The following ZNF672 variants were observed in gnomAD, a reference collection of about 807,000 sequenced individuals.
ZNF672 encodes zinc finger protein 672.
For synonymous variants in ZNF672, 358 were observed against 305.6 expected (o/e 1.17, Z -1.79); for missense variants, 733 against 701.1 (o/e 1.05, Z -0.51).
In ZNF672 at chr1:248,847,510, TCCG is replaced by T; in HGVS notation, c.239_241del (p.Arg80del). On this transcript the variant is annotated inframe_deletion, in exon 4 of 4. Transcript: ENST00000306562. ...ATCTGCAGTGAGTGCGGACAAAGCT[TCCG>T]CCACAGCGGCCGTCTTGACCTACAC... The T allele has an allele frequency of 6.3e-7, 1 of 1,598,142 alleles. No homozygotes were observed. The highest frequency in any genetic ancestry group is 8.5e-7 in the Non-Finnish European group (1 of 1,172,948).
Position 248,847,326 on chromosome 1 carries a change from G to A in ZNF672, c.52G>A (p.Glu18Lys), listed in dbSNP as rs759815307. ...AGCGGGGAAGCCTTACTCGTGCAGC[G>A]AATGTGGCAAGAGCTTCTGCTACAG... Reference protein sequence around the residue: ...VAAGKPYSCSECGKSFCYSSV... With the variant: ...VAAGKPYSCSKCGKSFCYSSV... The change falls in exon 4 of 4, where the codon GAA becomes AAA. Residue 18 changes from glutamate (E) to lysine (K), a missense_variant. By Grantham distance (56) the Glu-to-Lys change is moderately conservative (BLOSUM62 1). Coordinates refer to ENST00000306562, the MANE Select transcript of ZNF672 (RefSeq NM_024836.3). 3.1e-6 allele frequency: 5 copies of A among 1,610,968 alleles called. No individual in the cohort carries two copies. Among genetic ancestry groups the A allele is most frequent in the Non-Finnish European group, 3.4e-6 (4 of 1,177,354 alleles).
chr1:248,847,367 A>T lies in ZNF672; in HGVS notation c.93A>T (p.Arg31=). ...TCTGCTACAGCTCAGTGCTGCTGCGACATGAACGAGCTCACGGCGGTGACG... is the reference window on the plus strand; with the variant it reads ...TCTGCTACAGCTCAGTGCTGCTGCGTCATGAACGAGCTCACGGCGGTGACG... The part of the protein sequence containing the change: ...KSFCYSSVLL[R]HERAHGGDGR... The change falls in exon 4 of 4, where the codon CGA becomes CGT. Residue 31 remains arginine, a synonymous_variant. Coordinates refer to ENST00000306562, the MANE Select transcript of ZNF672 (RefSeq NM_024836.3). The T allele has an allele frequency of 6.2e-7, 1 of 1,611,820 alleles. No homozygotes were observed. Among genetic ancestry groups the T allele is most frequent in the Non-Finnish European group, 8.5e-7 (1 of 1,179,000 alleles).
chr1:248,848,686 T>G lies in ZNF672; in HGVS notation c.*53T>G. The G allele has an allele frequency of 6.6e-7, 1 of 1,519,056 alleles. No individual in the cohort carries two copies. The highest frequency in any genetic ancestry group is 1.3e-5 in the South Asian group (1 of 75,438). 94.1% of individuals were successfully genotyped at this position (1,519,056 alleles called of 1,614,324 possible). On this transcript the variant is annotated 3_prime_UTR_variant, in exon 4 of 4. Transcript: ENST00000306562. ...AAAGGTGGTTGGGCAAGCACCTATA[T>G]AGTATCACGGGGACAGTTGAGGCAA...
At chr1:248,840,158 C>G (rs964806981) in intron 1 of ZNF672, among the ~76,000 whole-genome samples, 6 of 152,134 alleles carry the variant, frequency 3.9e-5, no homozygotes, top group Non-Finnish European at 8.8e-5. Flanking sequence ...GGCACTATCT[C>G]GGCTCACTGC....
rs1466101935 is a variant in ZNF672, at chr1:248,847,585, G to A, written c.311G>A (p.Cys104Tyr). Residue 104 changes from cysteine (C) to tyrosine (Y), a missense_variant, in exon 4 of 4, where the codon TGC becomes TAC. Transcript: ENST00000306562. ...QRCRTCPCRT[C>Y]GRRFPHLPAL... ...TGCCGCACTTGCCCCTGCCGCACAT[G>A]CGGCCGGCGCTTCCCGCACCTCCCG... The A allele has an allele frequency of 6.4e-7, 1 of 1,559,180 alleles. No homozygotes were observed. The highest frequency in any genetic ancestry group is 8.6e-7 in the Non-Finnish European group (1 of 1,157,074).
Position 248,838,410 on chromosome 1 carries a change from T to A in ZNF672, c.-616T>A, listed in dbSNP as rs1296794160. On this transcript the variant is annotated 5_prime_UTR_variant, in exon 1 of 4. Coordinates refer to ENST00000306562, the MANE Select transcript of ZNF672 (RefSeq NM_024836.3). ...CCGAGGGGCCGGACGCTCGGGCGCC[T>A]CCCCGCTCCCCCCACTCGGAGGCCG... is the stretch of plus-strand genomic sequence containing the variant. 1 of 151,770 alleles carries A rather than the reference T, an allele frequency of 6.6e-6. No individual in the cohort carries two copies. Among genetic ancestry groups the A allele is most frequent in the African/African-American group, 2.4e-5 (1 of 41,256 alleles). The allele number at this position is 151,770 out of a possible 1,614,324, so 9.4% of individuals were successfully genotyped here. A position where few individuals can be genotyped will look rare whatever the true frequency, so the allele number is the denominator to read the frequency against.
At chr1:248,841,101 G>A (rs1310253262) in intron 1 of ZNF672, among the ~76,000 whole-genome samples, 2 of 152,170 alleles carry the variant, frequency 1.3e-5, no homozygotes, top group Non-Finnish European at 2.9e-5. Flanking sequence ...TGTATGTGCA[G>A]TGGGTAGTGC....
chr1:248,840,227 A>G (rs1352367072), intron 1 of ZNF672, among the ~76,000 whole-genome samples: 1 of 151,574 alleles, frequency 6.6e-6, no homozygotes, highest in Non-Finnish European at 1.5e-5. Context: ...GTTAGCCAAT[A>G]CTACAGGCGC....
rs1417660889 is a variant in ZNF672 at position 248,846,945 on chromosome 1, C to A, written c.-223-107C>A. 1.9e-5 allele frequency: 5 copies of A among 258,878 alleles called. No homozygotes were observed. In the East Asian group the frequency reaches 3.8e-4, roughly 20 times the overall value. The allele number at this position is 258,878 out of a possible 1,614,324, so 16.0% of individuals were successfully genotyped here. A position where few individuals can be genotyped will look rare whatever the true frequency, so the allele number is the denominator to read the frequency against. Reference sequence around the variant, plus strand: ...TTTGCTTTGTCTTGGGGAAGGGAATCCTGGAGATGGACTACCTAAAGAAGT... The same window carrying A: ...TTTGCTTTGTCTTGGGGAAGGGAATACTGGAGATGGACTACCTAAAGAAGT... On this transcript the variant is annotated intron_variant, in intron 3 of 3. Coordinates refer to ENST00000306562, the MANE Select transcript of ZNF672 (RefSeq NM_024836.3).
intron 1 of ZNF672, among the ~76,000 whole-genome samples, chr1:248,841,023 G>A (rs967420931): frequency 1.3e-5 from 2 of 151,782 alleles, no homozygotes; most frequent in Admixed American, 6.6e-5. Flanking sequence ...TACGATGACT[G>A]TAGTCAGAGT....
At chr1:248,841,714 G>A (rs991574892) in intron 1 of ZNF672, among the ~76,000 whole-genome samples, 1 of 152,300 alleles carries the variant, frequency 6.6e-6, no homozygotes, top group East Asian at 1.9e-4. Flanking sequence ...CTGAGGCCAG[G>A]AGTTCAAGAC....
chr1:248,846,882 C>T (rs115065198), intron 3 of ZNF672, among the ~76,000 whole-genome samples, 170 bp from the exon 4 acceptor site: 3,925 of 152,278 alleles, frequency 0.026, 171 homozygotes, highest in African/African-American at 0.089. Flanking sequence ...CCAAGTGGTT[C>T]AAGGACACCC....
chr1:248,848,687 A>G lies in ZNF672; in HGVS notation c.*54A>G. On this transcript the variant is annotated 3_prime_UTR_variant, in exon 4 of 4. Transcript: ENST00000306562. ...AAGGTGGTTGGGCAAGCACCTATAT[A>G]GTATCACGGGGACAGTTGAGGCAAC... is the stretch of plus-strand genomic sequence containing the variant. 6 of 1,516,752 alleles carry G rather than the reference A, an allele frequency of 4.0e-6. No individual in the cohort carries two copies. In the South Asian group the frequency reaches 4.0e-5, roughly 10 times the overall value. The allele number at this position is 1,516,752 out of a possible 1,614,324, so 94.0% of individuals were successfully genotyped here.
intron 3 of ZNF672, among the ~76,000 whole-genome samples, chr1:248,846,266 C>T (rs995105526): frequency 1.3e-5 from 2 of 152,202 alleles, no homozygotes; most frequent in Non-Finnish European, 2.9e-5. Flanking sequence ...CCTTGATTCT[C>T]CCCAGCCTTT....
chr1:248,843,274 C>T (rs1558237662), intron 1 of ZNF672, among the ~76,000 whole-genome samples: 2 of 152,204 alleles, frequency 1.3e-5, no homozygotes, highest in African/African-American at 4.8e-5. Flanking sequence ...CATGTACAAA[C>T]ATGTGAGAAT....
intron 1 of ZNF672, chr1:248,839,003 T>G (rs1664624713): frequency 6.6e-6 from 1 of 152,236 alleles, no homozygotes. Flanking sequence ...CCCAGCAACT[T>G]GTGACGCGCG....
Position 248,848,790 on chromosome 1 carries a change from C to T in ZNF672, c.*157C>T, listed in dbSNP as rs758731502. 35 of 1,082,398 alleles carry T rather than the reference C, an allele frequency of 3.2e-5. No homozygotes were observed. Among genetic ancestry groups the T allele is most frequent in the Non-Finnish European group, 4.2e-5 (31 of 734,026 alleles). 67.0% of individuals were successfully genotyped at this position (1,082,398 alleles called of 1,614,324 possible). On this transcript the variant is annotated 3_prime_UTR_variant, in exon 4 of 4. Transcript: ENST00000306562. ...CTGTTGGCAGCCCTTCACGTAGCCTCCTGCCTCGCCTCTACACCTACTACC... is the reference window on the plus strand; with the variant it reads ...CTGTTGGCAGCCCTTCACGTAGCCTTCTGCCTCGCCTCTACACCTACTACC...
Position 248,847,964 on chromosome 1 carries a change from G to A in ZNF672, c.690G>A (p.Pro230=), listed in dbSNP as rs547047168. 2.6e-6 allele frequency: 4 copies of A among 1,565,128 alleles called. No homozygotes were observed. In the South Asian group the frequency reaches 3.5e-5, roughly 14 times the overall value. Residue 230 remains proline (P), a synonymous_variant, in exon 4 of 4, where the codon CCG becomes CCA. Transcript: ENST00000306562. Reference sequence around the variant, plus strand: ...CGGGGGAGAAACCCTTCAAGTGCCCGGAGTGCGGCAAGGGCTTCCTGGAGA... The same window carrying A: ...CGGGGGAGAAACCCTTCAAGTGCCCAGAGTGCGGCAAGGGCTTCCTGGAGA... ...THSGEKPFKC[P]ECGKGFLESA... is the part of the protein sequence containing the mutation.
rs1382060712 is a variant in ZNF672, at chr1:248,848,341, T to G, written c.1067T>G (p.Val356Gly). 3 of 1,601,554 alleles carry G rather than the reference T, an allele frequency of 1.9e-6. No individual in the cohort carries two copies. In the Admixed American group the frequency reaches 5.0e-5, roughly 27 times the overall value. The change falls in exon 4 of 4, where the codon GTG (valine) becomes GGG (glycine). Residue 356 changes from valine (V) to glycine (G), a missense_variant. By Grantham distance (109) the Val-to-Gly change is moderately radical. Coordinates refer to ENST00000306562, the MANE Select transcript of ZNF672 (RefSeq NM_024836.3). ...TTCACGTGCGTGTCCAATCTCAACG[T>G]GCATCGGCGCAACCATGCCGGCCAC... ...KRFTCVSNLN[V>G]HRRNHAGHKP...
Sources: allele counts gnomAD v4.1 joint callset (sites outside exome capture counted in the v4.1 genomes callset), GRCh38; gene constraint gnomAD v4.1.1; transcripts MANE v1.5; gene names NCBI Gene and HGNC (gene_info 2026-07-23, HGNC 2026-07-21).